NUDCD2: variants seen among roughly 807,000 people sequenced by gnomAD.
NUDCD2 encodes nudC domain-containing protein 2.
Under a neutral mutation model 20.8 loss-of-function variants are expected in NUDCD2, and 16 were observed. That is an observed-to-expected ratio of 0.77 (90% CI 0.52 to 1.17). NUDCD2 has a LOEUF of 1.17. Ranked by LOEUF, NUDCD2 falls within the 50% of genes most tolerant of loss-of-function variation. The pLI, the probability that NUDCD2 is intolerant of heterozygous loss-of-function variation, is 0.00. For missense variants in NUDCD2, 199 were observed against 193.9 expected, an observed-to-expected ratio of 1.03 and a Z score of -0.16; for synonymous variants, 87 against 72.8, an observed-to-expected ratio of 1.20 and a Z score of -1.00.
rs150010030 is a variant in NUDCD2 at position 163,457,067 on chromosome 5, C to T, written c.252G>A (p.Met84Ile). Residue 84 changes from methionine to isoleucine, a missense_variant, in exon 3 of 4, where the codon ATG becomes ATA. Coordinates refer to ENST00000302764, the MANE Select transcript of NUDCD2 (RefSeq NM_145266.6). ...EGTWTLEDRK[M>I]VRIVLTKTKR... Reference sequence around the variant, plus strand: ...TTGTCTTTGTAAGAACAATACGAACCATTTTTCTGTCCTCTAAAAAAAAAA... The same window carrying T: ...TTGTCTTTGTAAGAACAATACGAACTATTTTTCTGTCCTCTAAAAAAAAAA... 3.6e-4 allele frequency: 580 copies of T among 1,603,088 alleles called. 1 individual carries two copies. The highest frequency in any genetic ancestry group is 4.5e-4 in the Non-Finnish European group (527 of 1,176,434).
chr5:163,457,147 T>TTA lies in NUDCD2; in HGVS notation c.239-68_239-67insTA, dbSNP rs1428548362. ...GAGTTCTTCATCAAGTTGTTTTTTT[T>TTA]TTTTTTGAGACAGTATCACTCTCAC... On this transcript the variant is annotated intron_variant, in intron 2 of 3. Transcript: ENST00000302764. 5.8e-5 allele frequency: 87 copies of TTA among 1,495,888 alleles called. 3 individuals are homozygous for TTA. Among genetic ancestry groups the TTA allele is most frequent in the Non-Finnish European group, 7.6e-5 (85 of 1,122,878 alleles). 92.7% of individuals were successfully genotyped at this position (1,495,888 alleles called of 1,614,324 possible). A position where few individuals can be genotyped will look rare whatever the true frequency, so the allele number is the denominator to read the frequency against.
At chr5:163,454,229 G>A (rs184292598) in intron 3 of NUDCD2, among the ~76,000 whole-genome samples, 179 bp from the exon 4 acceptor site, 5 of 152,190 alleles carry the variant, frequency 3.3e-5, no homozygotes, top group East Asian at 1.9e-4. Flanking sequence ...AACTCTCCCA[G>A]TTACAAATAT....
intron 3 of NUDCD2, among the ~76,000 whole-genome samples, chr5:163,454,681 A>C (rs956475745): frequency 4.6e-5 from 7 of 152,252 alleles, no homozygotes; most frequent in Middle Eastern, 3.4e-3. Context: ...ATGCCACACA[A>C]ATTTCTAAGA....
At chr5:163,459,235 A>T (rs1295396939) in intron 1 of NUDCD2, 3 of 152,246 alleles carry the variant, frequency 2.0e-5, no homozygotes, top group Admixed American at 6.5e-5. Context: ...CTGTTAGTTT[A>T]ATTATACACT....
chr5:163,459,981 T>A lies in NUDCD2; in HGVS notation c.70A>T (p.Thr24Ser). Reference sequence around the variant, plus strand: ...ACTTCAATGAACACCTCCTCCAAGGTCTGGTACCACTGGCCCCACGGGGTC... The same window carrying A: ...ACTTCAATGAACACCTCCTCCAAGGACTGGTACCACTGGCCCCACGGGGTC... ...CGTPWGQWYQ[T>S]LEEVFIEVQV... The change falls in exon 1 of 4, where the codon ACC becomes TCC. Residue 24 changes from threonine (T) to serine (S), a missense_variant. Transcript: ENST00000302764. 6.2e-7 allele frequency: 1 copy of A among 1,613,356 alleles called. No homozygotes were observed. Among genetic ancestry groups the A allele is most frequent in the East Asian group, 2.2e-5 (1 of 44,770 alleles).
At chr5:163,455,823 TTAGAG>T (rs1403360616) in intron 3 of NUDCD2, among the ~76,000 whole-genome samples, 22 of 149,742 alleles carry the variant, frequency 1.5e-4, no homozygotes, top group African/African-American at 5.3e-4. Context: ...TAGAACGTTA[TTAGAG>T]TAATCAGGCA....
At position 163,460,023 on chromosome 5, in the gene NUDCD2, C is replaced by G. The variant is rs779330790; in HGVS notation, c.28G>C (p.Gly10Arg). The G allele has an allele frequency of 1.9e-6, 3 of 1,600,922 alleles. No individual in the cohort carries two copies. The highest frequency in any genetic ancestry group is 1.1e-5 in the South Asian group (1 of 89,930). The change falls in exon 1 of 4, where the codon GGG (glycine) becomes CGG (arginine). Residue 10 changes from glycine (G) to arginine (R), a missense_variant. Gly to Arg is a moderately radical substitution (Grantham distance 125). Coordinates refer to ENST00000302764, the MANE Select transcript of NUDCD2 (RefSeq NM_145266.6). MSAPFEERS[G>R]VVPCGTPWGQ... ...CACGGGGTCCCGCACGGTACCACCC[C>G]ACTCCGCTCCTCAAACGGGGCCGAC...
chr5:163,458,498 C>G (rs1200432275), intron 1 of NUDCD2, among the ~76,000 whole-genome samples: 2 of 152,006 alleles, frequency 1.3e-5, no homozygotes, highest in Non-Finnish European at 2.9e-5. Flanking sequence ...TGGAGGCCAA[C>G]GTGGATTGCT....
At chr5:163,458,386 C>T (rs749355405) in intron 1 of NUDCD2, among the ~76,000 whole-genome samples, 2 of 151,822 alleles carry the variant, frequency 1.3e-5, no homozygotes, top group Non-Finnish European at 2.9e-5. Flanking sequence ...TTAGTTGTGA[C>T]TAACTGTTCA....
chr5:163,456,922 G>C lies in NUDCD2; in HGVS notation c.390+7C>G. The C allele has an allele frequency of 6.3e-7, 1 of 1,593,864 alleles. No homozygotes were observed. Among genetic ancestry groups the C allele is most frequent in the Non-Finnish European group, 8.6e-7 (1 of 1,169,548 alleles). ...TTACACATACTCATACACTTCATCTGACTTACTTCTTTTTGGAATCTCTCT... is the reference window on the plus strand; with the variant it reads ...TTACACATACTCATACACTTCATCTCACTTACTTCTTTTTGGAATCTCTCT... On this transcript the variant is annotated splice_region_variant and intron_variant, in intron 3 of 3. Coordinates refer to ENST00000302764, the MANE Select transcript of NUDCD2 (RefSeq NM_145266.6).
chr5:163,455,513 C>T (rs941317902), intron 3 of NUDCD2, among the ~76,000 whole-genome samples: 2 of 152,116 alleles, frequency 1.3e-5, no homozygotes, highest in African/African-American at 2.4e-5. Flanking sequence ...CCTGTAATCC[C>T]GGCACTTTGG....
chr5:163,454,847 G>GA lies in NUDCD2; in HGVS notation c.391-798dup, dbSNP rs199530749. Among the ~76,000 whole-genome samples, 658 of 150,658 alleles carry GA rather than the reference G, an allele frequency of 4.4e-3. 5 individuals carry two copies. Among genetic ancestry groups the GA allele is most frequent in the African/African-American group, 0.015 (599 of 40,472 alleles). On this transcript the variant is annotated intron_variant, in intron 3 of 3. Transcript: ENST00000302764. ...TTAGAGGTATGTAGAATTCAAGAGT[G>GA]AAAAAAAACAAAAATCCCTGCTCTA... is the stretch of plus-strand genomic sequence containing the variant.
chr5:163,454,546 G>A (rs1758254076), intron 3 of NUDCD2, among the ~76,000 whole-genome samples: 1 of 152,116 alleles, frequency 6.6e-6, no homozygotes, highest in East Asian at 1.9e-4. Context: ...TCTCCATGTT[G>A]GTCAGGCTTG....
At position 163,453,169 on chromosome 5, in the gene NUDCD2, A is replaced by G. The variant is rs889070158; in HGVS notation, c.*798T>C. ...GTAACTTTTCTATGCATGAGATTTA[A>G]AATTTTTTCAAGAGTTAAAAAGGGC... On this transcript the variant is annotated 3_prime_UTR_variant, in exon 4 of 4. Transcript: ENST00000302764. The G allele has an allele frequency of 5.9e-5, 9 of 152,234 alleles. No homozygotes were observed. The highest frequency in any genetic ancestry group is 1.2e-4 in the Non-Finnish European group (8 of 68,032). 9.4% of individuals were successfully genotyped at this position (152,234 alleles called of 1,614,324 possible).
chr5:163,456,787 T>C, intron 3 of NUDCD2, 142 bp downstream of exon 3: 1 of 676,058 alleles, frequency 1.5e-6, no homozygotes, highest in African/African-American at 1.8e-5. Flanking sequence ...AGAAAGGCCA[T>C]TTTTCTAACA....
In NUDCD2 at chr5:163,456,947, T is replaced by G; in HGVS notation, c.372A>C (p.Leu124Phe). 6.2e-7 allele frequency: 1 copy of G among 1,609,406 alleles called. No homozygotes were observed. Among genetic ancestry groups the G allele is most frequent in the Non-Finnish European group, 8.5e-7 (1 of 1,178,008 alleles). The change falls in exon 3 of 4, where the codon TTA (leucine) becomes TTC (phenylalanine). Residue 124 changes from leucine (L) to phenylalanine (F), a missense_variant. Physicochemically the swap from Leu to Phe is conservative, Grantham distance 22 (BLOSUM62 0). Transcript: ENST00000302764. Reference protein sequence around the residue: ...VQDQMQRKLTLERFQKENPGF... With the variant: ...VQDQMQRKLTFERFQKENPGF... The stretch of plus-strand genomic sequence containing the variant: ...GACTTACTTCTTTTTGGAATCTCTC[T>G]AATGTAAGCTTTCTCTGCATTTGGT...
chr5:163,452,293 A>ACTAAAGAGAACCCAGGCT lies in NUDCD2; in HGVS notation c.*1656_*1673dup, dbSNP rs1758198115. 1 of 152,194 alleles carries ACTAAAGAGAACCCAGGCT rather than the reference A, an allele frequency of 6.6e-6. No homozygotes were observed. Among genetic ancestry groups the ACTAAAGAGAACCCAGGCT allele is most frequent in the African/African-American group, 2.4e-5 (1 of 41,436 alleles). 9.4% of individuals were successfully genotyped at this position (152,194 alleles called of 1,614,324 possible). ...AGATCTTGGCTTTTAAATATTACTCACTAAAGAGAACCCAGGCTCTACGGA... is the reference window on the plus strand; with the variant it reads ...AGATCTTGGCTTTTAAATATTACTCACTAAAGAGAACCCAGGCTCTAAAGAGAACCCAGGCTCTACGGA... On this transcript the variant is annotated 3_prime_UTR_variant, in exon 4 of 4. Coordinates refer to ENST00000302764, the MANE Select transcript of NUDCD2 (RefSeq NM_145266.6).
chr5:163,459,708 G>A lies in NUDCD2; in HGVS notation c.189+154C>T, dbSNP rs187745753. ...ACTCAGCACCTGCCCTGAAGAGGCGGGGGCTCTGACCAGACCCAAACCTGG... is the reference window on the plus strand; with the variant it reads ...ACTCAGCACCTGCCCTGAAGAGGCGAGGGCTCTGACCAGACCCAAACCTGG... On this transcript the variant is annotated intron_variant, in intron 1 of 3. Transcript: ENST00000302764. 1,601 of 540,272 alleles carry A rather than the reference G, an allele frequency of 3.0e-3. 7 individuals carry two copies. Among genetic ancestry groups the A allele is most frequent in the Middle Eastern group, 0.023 (47 of 2,040 alleles). The allele number at this position is 540,272 out of a possible 1,614,324, so 33.5% of individuals were successfully genotyped here. A position where few individuals can be genotyped will look rare whatever the true frequency, so the allele number is the denominator to read the frequency against.
At position 163,453,697 on chromosome 5, in the gene NUDCD2, T is replaced by A. The variant is rs9885026; in HGVS notation, c.*270A>T. On this transcript the variant is annotated 3_prime_UTR_variant, in exon 4 of 4. Coordinates refer to ENST00000302764, the MANE Select transcript of NUDCD2 (RefSeq NM_145266.6). ...ATGTTCTTTTGTATTAAAAATATGG[T>A]TAAATATGGAATTAGTAAAATGCAG... 1.1e-3 allele frequency: 263 copies of A among 238,704 alleles called. No homozygotes were observed. Among genetic ancestry groups the A allele is most frequent in the African/African-American group, 5.6e-3 (250 of 44,650 alleles). 14.8% of individuals were successfully genotyped at this position (238,704 alleles called of 1,614,324 possible).
Sources: allele counts gnomAD v4.1 joint callset (sites outside exome capture counted in the v4.1 genomes callset), GRCh38; gene constraint gnomAD v4.1.1; transcripts MANE v1.5; gene names NCBI Gene and HGNC (gene_info 2026-07-23, HGNC 2026-07-21).